BACH2: variants seen among roughly 807,000 people sequenced by gnomAD.
The protein encoded by BACH2 is BACH transcriptional regulator 2.
BACH2 carries 5 observed loss-of-function variants against 61.8 expected under a neutral mutation model. The observed-to-expected ratio is 0.08, with a 90% CI of 0.04 to 0.17. BACH2 has a LOEUF of 0.17. Among genes scored for constraint, BACH2 ranks in the 10% least tolerant of loss-of-function variants. The pLI is 1.00. For synonymous variants in BACH2, 446 were observed against 440.1 expected (o/e 1.01, Z -0.17); for missense variants, 824 against 1,091.1 (o/e 0.76, Z 3.45).
At chr6:90,111,187 C>T (rs1370253294) in intron 4 of BACH2, among the ~76,000 whole-genome samples, 9 of 152,112 alleles carry the variant, frequency 5.9e-5, no homozygotes, top group East Asian at 5.8e-4. Flanking sequence ...TAAGATCTTG[C>T]GGGCCCCCAG....
At chr6:89,973,734 G>T (rs1201323149) in intron 6 of BACH2, among the ~76,000 whole-genome samples, 1 of 152,072 alleles carries the variant, frequency 6.6e-6, no homozygotes, top group East Asian at 1.9e-4. Context: ...TTGCCTAGAG[G>T]AGTCTTATTC....
chr6:90,214,944 A>G (rs183316963), intron 3 of BACH2, among the ~76,000 whole-genome samples: 6 of 151,750 alleles, frequency 4.0e-5, no homozygotes, highest in Non-Finnish European at 8.8e-5. Context: ...TTGTAGAGAC[A>G]GGGTTTTGCT....
chr6:89,962,490 T>A (rs1774802146), intron 6 of BACH2, among the ~76,000 whole-genome samples: 1 of 152,234 alleles, frequency 6.6e-6, no homozygotes, highest in South Asian at 2.1e-4. Context: ...CCACTCATTT[T>A]GGGCTTGAGT....
chr6:90,100,385 T>C (rs1582357713), intron 4 of BACH2, among the ~76,000 whole-genome samples: 2 of 152,158 alleles, frequency 1.3e-5, no homozygotes, highest in East Asian at 1.9e-4. Context: ...CATGTTTGGG[T>C]GTCGTTACAA....
At chr6:89,933,743 T>C (rs975492475) in intron 8 of BACH2, among the ~76,000 whole-genome samples, 1 of 152,132 alleles carries the variant, frequency 6.6e-6, no homozygotes, top group East Asian at 1.9e-4. Context: ...CCCAACACTA[T>C]GGAAGGCCAA....
At chr6:89,963,455 G>C (rs368501432) in intron 6 of BACH2, among the ~76,000 whole-genome samples, 54 of 152,074 alleles carry the variant, frequency 3.6e-4, no homozygotes, top group African/African-American at 1.3e-3. Context: ...CGTCATGCCC[G>C]GTTAATTTCT....
At chr6:89,958,024 C>T (rs2128358470) in intron 6 of BACH2, among the ~76,000 whole-genome samples, 1 of 152,336 alleles carries the variant, frequency 6.6e-6, no homozygotes, top group Middle Eastern at 3.4e-3. Context: ...AGTGTCTTTT[C>T]TCTCCTGTGC....
At chr6:90,205,103 G>A (rs1255096662) in intron 4 of BACH2, among the ~76,000 whole-genome samples, 1 of 152,146 alleles carries the variant, frequency 6.6e-6, no homozygotes, top group African/African-American at 2.4e-5. Context: ...AGGGCCCTTC[G>A]TGCCCATGAG....
chr6:90,158,276 C>G (rs944641643), intron 4 of BACH2, among the ~76,000 whole-genome samples: 1 of 152,070 alleles, frequency 6.6e-6, no homozygotes, highest in African/African-American at 2.4e-5. Flanking sequence ...AAATATTAGA[C>G]CATTTGTTCA....
At chr6:90,010,391 T>G (rs764890774) in intron 5 of BACH2, among the ~76,000 whole-genome samples, 9 of 152,256 alleles carry the variant, frequency 5.9e-5, no homozygotes, top group Non-Finnish European at 1.0e-4. Flanking sequence ...CTATTCAGCA[T>G]AATTATTTCA....
At position 89,926,739 on chromosome 6, in the gene BACH2, C is replaced by T. The variant is rs1485040809; in HGVS notation, c.*5669G>A. 6.6e-6 allele frequency: 1 copy of T among 152,568 alleles called. No homozygotes were observed. Among genetic ancestry groups the T allele is most frequent in the Non-Finnish European group, 1.5e-5 (1 of 68,014 alleles). The allele number at this position is 152,568 out of a possible 1,614,324, so 9.5% of individuals were successfully genotyped here. On this transcript the variant is annotated 3_prime_UTR_variant, in exon 9 of 9. Transcript: ENST00000257749. The stretch of plus-strand genomic sequence containing the variant: ...ATTCTTAGTTACAGAGAATAAGCAT[C>T]AACAGCCTTTCATTTTTTACAATAA...
At chr6:90,073,030 G>C (rs557584510) in intron 5 of BACH2, among the ~76,000 whole-genome samples, 92 of 152,218 alleles carry the variant, frequency 6.0e-4, no homozygotes, top group Admixed American at 1.6e-3. Flanking sequence ...GGAGCAAAAA[G>C]GAAATGCAAC....
chr6:90,094,645 T>C (rs920399673), intron 4 of BACH2, among the ~76,000 whole-genome samples: 25 of 152,214 alleles, frequency 1.6e-4, no homozygotes, highest in Admixed American at 2.0e-4. Flanking sequence ...TTTAAGCTAA[T>C]TCTCTCCATT....
intron 3 of BACH2, among the ~76,000 whole-genome samples, chr6:90,225,810 A>T (rs1319369687): frequency 6.6e-6 from 1 of 152,204 alleles, no homozygotes; most frequent in East Asian, 1.9e-4. Flanking sequence ...GTGGTGGAGG[A>T]GAAAGGCTGC....
intron 7 of BACH2, among the ~76,000 whole-genome samples, chr6:89,942,302 C>A (rs1188052291): frequency 6.6e-6 from 1 of 152,198 alleles, no homozygotes; most frequent in Non-Finnish European, 1.5e-5. Context: ...ACTGTTTGGT[C>A]CCGTGGAGGA....
At chr6:90,226,180 A>C (rs1769907780) in intron 3 of BACH2, among the ~76,000 whole-genome samples, 1 of 152,220 alleles carries the variant, frequency 6.6e-6, no homozygotes, top group South Asian at 2.1e-4. Context: ...TGGCCACAGC[A>C]TGAATAGCTT....
chr6:90,027,826 C>T (rs1445487781), intron 5 of BACH2, among the ~76,000 whole-genome samples: 2 of 152,074 alleles, frequency 1.3e-5, no homozygotes, highest in East Asian at 3.9e-4. Context: ...TAGGATGGTC[C>T]TTGTTTTACA....
rs184760113 is a variant in BACH2 at position 90,028,934 on chromosome 6, C to T, written c.-12-20078G>A. ...GAACTGTGAGGATTAAAATATTTTACGTGTTTGTTTGTTCATTAATTCACC... is the reference window on the plus strand; with the variant it reads ...GAACTGTGAGGATTAAAATATTTTATGTGTTTGTTTGTTCATTAATTCACC... On this transcript the variant is annotated intron_variant, in intron 5 of 8. Coordinates refer to ENST00000257749, the MANE Select transcript of BACH2 (RefSeq NM_021813.4). 2.4e-3 allele frequency among the ~76,000 whole-genome samples: 360 copies of T among 152,196 alleles called. 1 individual carries two copies. Among genetic ancestry groups the T allele is most frequent in the African/African-American group, 5.7e-3 (236 of 41,472 alleles).
intron 4 of BACH2, among the ~76,000 whole-genome samples, chr6:90,109,689 T>A (rs1191146097): frequency 6.6e-6 from 1 of 152,174 alleles, no homozygotes; most frequent in African/African-American, 2.4e-5. Context: ...TTTCCAGTCT[T>A]TTTCATCACA....
Sources: allele counts gnomAD v4.1 joint callset (sites outside exome capture counted in the v4.1 genomes callset), GRCh38; gene constraint gnomAD v4.1.1; transcripts MANE v1.5; gene names NCBI Gene and HGNC (gene_info 2026-07-23, HGNC 2026-07-21).